The following ROBO1 variants were observed in gnomAD, a reference collection of about 807,000 sequenced individuals.
ROBO1 encodes the protein roundabout guidance receptor 1.
In ROBO1, 149 loss-of-function variants were observed where a neutral mutation model predicts 195.9. The observed-to-expected ratio is 0.76, with a 90% confidence interval of 0.67 to 0.87. ROBO1 has a LOEUF of 0.87. Among genes scored for constraint, ROBO1 ranks in the 40% least tolerant of loss-of-function variants. The pLI is 0.00. For missense variants in ROBO1, 1,933 were observed against 2,068.3 expected (o/e 0.93, Z 1.27); for synonymous variants, 816 against 733.2 (o/e 1.11, Z -1.82).
At chr3:78,715,340 A>G (rs939165613) in intron 7 of ROBO1, 1 of 152,068 alleles carries the variant, frequency 6.6e-6, no homozygotes, top group Non-Finnish European at 1.5e-5. Context: ...CCAGCTGTCT[A>G]TATCTAACAA....
intron 1 of ROBO1, among the ~76,000 whole-genome samples, chr3:79,662,991 C>T (rs529118883): frequency 6.6e-6 from 1 of 152,098 alleles, no homozygotes; most frequent in East Asian, 1.9e-4. Flanking sequence ...GCTAGGCACA[C>T]ACAAAGAATC....
intron 4 of ROBO1, among the ~76,000 whole-genome samples, chr3:78,876,565 A>G (rs1288246559): frequency 6.6e-6 from 1 of 152,228 alleles, no homozygotes; most frequent in Non-Finnish European, 1.5e-5. Flanking sequence ...AATAAATTCA[A>G]TTGATCCAAT....
chr3:78,765,606 T>C (rs1191126003), intron 4 of ROBO1, among the ~76,000 whole-genome samples: 1 of 152,118 alleles, frequency 6.6e-6, no homozygotes, highest in East Asian at 1.9e-4. Flanking sequence ...TTTTAGATTA[T>C]TATGGTGAGC....
chr3:79,215,972 T>A (rs948130049), intron 2 of ROBO1, among the ~76,000 whole-genome samples: 1 of 151,942 alleles, frequency 6.6e-6, no homozygotes, highest in Admixed American at 6.6e-5. Flanking sequence ...CACTAATCTA[T>A]CACTAGAAAT....
intron 3 of ROBO1, among the ~76,000 whole-genome samples, chr3:78,972,343 A>G (rs2076787343): frequency 6.6e-6 from 1 of 152,234 alleles, no homozygotes; most frequent in Non-Finnish European, 1.5e-5. Flanking sequence ...GCTACATAGT[A>G]TAATCATAAC....
At chr3:78,780,836 G>C (rs528784250) in intron 4 of ROBO1, among the ~76,000 whole-genome samples, 1 of 151,798 alleles carries the variant, frequency 6.6e-6, no homozygotes, top group Admixed American at 6.6e-5. Flanking sequence ...ATTTTTCTCC[G>C]TGTTTTCTTT....
At chr3:79,628,788 G>A (rs980302135) in intron 1 of ROBO1, among the ~76,000 whole-genome samples, 1 of 151,988 alleles carries the variant, frequency 6.6e-6, no homozygotes, top group East Asian at 1.9e-4. Flanking sequence ...CAGACTAAAA[G>A]CAAAGGGTTT....
rs532674511 is a variant in ROBO1, at chr3:79,511,021, A to G, written c.88+78803T>C. Among the ~76,000 whole-genome samples, 4 of 152,264 alleles carry G rather than the reference A, an allele frequency of 2.6e-5. No individual in the cohort carries two copies. The East Asian group carries it at 7.7e-4, about 29-fold the overall frequency. On this transcript the variant is annotated intron_variant, in intron 2 of 30. Transcript: ENST00000464233. ...CAAATCTGCACATTTTTTTAATTTC[A>G]CAAATTTGTGTTATGTGCCCACTAT... is the stretch of plus-strand genomic sequence containing the variant.
chr3:79,670,110 G>T (rs1302392715), intron 1 of ROBO1, among the ~76,000 whole-genome samples: 2 of 151,922 alleles, frequency 1.3e-5, no homozygotes, highest in African/African-American at 4.8e-5. Flanking sequence ...AAAAGTTTTA[G>T]AAAATGTTGC....
intron 3 of ROBO1, among the ~76,000 whole-genome samples, chr3:79,113,604 C>T (rs1012594626): frequency 2.6e-5 from 4 of 151,970 alleles, no homozygotes; most frequent in Non-Finnish European, 5.9e-5. Context: ...CCTGTCTCTA[C>T]TAAAAATACA....
At chr3:78,664,250 G>C (rs1339697170) in intron 14 of ROBO1, among the ~76,000 whole-genome samples, 1 of 152,120 alleles carries the variant, frequency 6.6e-6, no homozygotes, top group Non-Finnish European at 1.5e-5. Context: ...AGACCTAATT[G>C]CTCCAGCCAA....
chr3:78,938,509 A>C, intron 4 of ROBO1, 92 bp downstream of exon 4: 1 of 1,065,694 alleles, frequency 9.4e-7, no homozygotes. Context: ...GTAAGGCCTG[A>C]GATACAAATT....
intron 1 of ROBO1, among the ~76,000 whole-genome samples, chr3:79,766,478 C>T (rs930988938): frequency 2.2e-4 from 33 of 151,744 alleles, no homozygotes; most frequent in Non-Finnish European, 4.4e-5. Context: ...AAGGGTATCC[C>T]AGGATTTTAG....
intron 1 of ROBO1, among the ~76,000 whole-genome samples, chr3:79,629,522 A>C (rs1945275388): frequency 6.6e-6 from 1 of 152,060 alleles, no homozygotes; most frequent in African/African-American, 2.4e-5. Flanking sequence ...ATAGCATTAA[A>C]TGCCTACATC....
intron 2 of ROBO1, among the ~76,000 whole-genome samples, chr3:79,337,665 T>A (rs774027009): frequency 6.6e-6 from 1 of 152,176 alleles, no homozygotes; most frequent in Non-Finnish European, 1.5e-5. Context: ...TCACACCCTA[T>A]CACATTGTAT....
chr3:79,102,197 A>G (rs1376429732), intron 3 of ROBO1, among the ~76,000 whole-genome samples: 1 of 151,858 alleles, frequency 6.6e-6, no homozygotes, highest in Non-Finnish European at 1.5e-5. Context: ...GTAAAAATAG[A>G]TTCCATTTTC....
intron 2 of ROBO1, among the ~76,000 whole-genome samples, chr3:79,223,965 C>A (rs1024917234): frequency 3.3e-5 from 5 of 152,046 alleles, no homozygotes; most frequent in Non-Finnish European, 7.4e-5. Flanking sequence ...CAAATATATC[C>A]TTGTTTTATT....
intron 2 of ROBO1, 51 bp downstream of exon 2, chr3:79,589,773 C>A: frequency 1.4e-6 from 2 of 1,405,938 alleles, no homozygotes; most frequent in South Asian, 1.2e-5. Flanking sequence ...GAATTTAAAG[C>A]AAAGAGGGAA....
intron 14 of ROBO1, among the ~76,000 whole-genome samples, chr3:78,662,830 T>C (rs1707509308): frequency 6.6e-6 from 1 of 152,104 alleles, no homozygotes; most frequent in Non-Finnish European, 1.5e-5. Flanking sequence ...GCCCCAAAAT[T>C]TCAGGAAGGA....
Sources: gnomAD v4.1 joint callset for allele counts (sites outside exome capture counted in the v4.1 genomes callset) on GRCh38, gnomAD v4.1.1 for gene constraint, MANE v1.5 for transcripts, NCBI Gene and HGNC (gene_info 2026-07-23, HGNC 2026-07-21) for gene names.